The following GPRIN3 variants were observed in gnomAD, a reference collection of about 807,000 sequenced individuals.
GPRIN3 encodes the protein G protein-regulated inducer of neurite outgrowth 3.
A neutral mutation model predicts 13.7 loss-of-function variants in GPRIN3; 12 were observed. The ratio of observed to expected loss-of-function variants is 0.87; its 90% CI spans 0.56 to 1.42. The LOEUF is 1.42. Ranked by LOEUF, GPRIN3 falls within the 40% of genes most tolerant of loss-of-function variation. The pLI, the probability that GPRIN3 is intolerant of heterozygous loss-of-function variation, is 0.00. For missense variants in GPRIN3, 1,009 were observed against 958.7 expected, an observed-to-expected ratio of 1.05 and a Z score of -0.69; for synonymous variants, 377 against 372.7, an observed-to-expected ratio of 1.01 and a Z score of -0.13.
chr4:89,258,588 G>A (rs1218198635), intron 1 of GPRIN3, among the ~76,000 whole-genome samples: 1 of 152,154 alleles, frequency 6.6e-6, no homozygotes, highest in Non-Finnish European at 1.5e-5. Flanking sequence ...CAAATGGGCA[G>A]GAGCTAAGAG....
intron 1 of GPRIN3, among the ~76,000 whole-genome samples, chr4:89,278,952 C>T (rs571893874): frequency 6.6e-6 from 1 of 152,310 alleles, no homozygotes; most frequent in East Asian, 1.9e-4. Flanking sequence ...TCTGATCACC[C>T]TCATCTCCCA....
In GPRIN3 at chr4:89,242,225, A is replaced by C. The variant is rs1722963381; in HGVS notation, c.*5555T>G. ...TACTTGATGAAGAGTTAGCATTTAG[A>C]AGTGCCCATCTGGAGCATCGTTTTC... On this transcript the variant is annotated 3_prime_UTR_variant, in exon 2 of 2. Coordinates refer to ENST00000609438, the MANE Select transcript of GPRIN3 (RefSeq NM_198281.3). The C allele has an allele frequency of 6.6e-6, 1 of 152,224 alleles. No homozygotes were observed. Among genetic ancestry groups the C allele is most frequent in the Non-Finnish European group, 1.5e-5 (1 of 68,042 alleles). The allele number at this position is 152,224 out of a possible 1,614,324, so 9.4% of individuals were successfully genotyped here. A position where few individuals can be genotyped will look rare whatever the true frequency, so the allele number is the denominator to read the frequency against.
intron 1 of GPRIN3, among the ~76,000 whole-genome samples, chr4:89,274,931 A>G (rs1724051234): frequency 6.6e-6 from 1 of 152,184 alleles, no homozygotes; most frequent in Non-Finnish European, 1.5e-5. Context: ...AGGAGTGACG[A>G]CAGGTAGCTG....
chr4:89,301,263 T>TA (rs1724888399), intron 1 of GPRIN3, among the ~76,000 whole-genome samples: 1 of 151,986 alleles, frequency 6.6e-6, no homozygotes, highest in Admixed American at 6.6e-5. Context: ...ACAACAATTT[T>TA]AAAAAAATGT....
At position 89,247,931 on chromosome 4, in the gene GPRIN3, T is replaced by C; in HGVS notation, c.2180A>G (p.Gln727Arg). The change falls in exon 2 of 2, where the codon CAA becomes CGA. Residue 727 changes from glutamine to arginine, a missense_variant. Gln to Arg is a conservative substitution (Grantham distance 43). Coordinates refer to ENST00000609438, the MANE Select transcript of GPRIN3 (RefSeq NM_198281.3). ...IREHEKLIKT[Q>R]NSQTRRSISS... is the part of the protein sequence containing the mutation. ...AATGGATCTCCGGGTCTGGCTATTT[T>C]GAGTTTTGATTAATTTCTCATGTTC... The C allele has an allele frequency of 6.2e-7, 1 of 1,614,178 alleles. No homozygotes were observed.
intron 1 of GPRIN3, among the ~76,000 whole-genome samples, chr4:89,293,515 TCTC>T (rs1724647992): frequency 6.6e-6 from 1 of 152,168 alleles, no homozygotes; most frequent in Non-Finnish European, 1.5e-5. Context: ...TCCCCACAGA[TCTC>T]CTCTTTTGGT....
At position 89,238,968 on chromosome 4, in the gene GPRIN3, T is replaced by C. The variant is rs1360174143; in HGVS notation, c.*8812A>G. 6.6e-6 allele frequency: 1 copy of C among 152,214 alleles called. No homozygotes were observed. Among genetic ancestry groups the C allele is most frequent in the African/African-American group, 2.4e-5 (1 of 41,460 alleles). The allele number at this position is 152,214 out of a possible 1,614,324, so 9.4% of individuals were successfully genotyped here. On this transcript the variant is annotated 3_prime_UTR_variant, in exon 2 of 2. Coordinates refer to ENST00000609438, the MANE Select transcript of GPRIN3 (RefSeq NM_198281.3). ...TGAATATCAGAATTTTAAGCATCCATTCAAAAATCAAATCCAAAATGAAGG... is the reference window on the plus strand; with the variant it reads ...TGAATATCAGAATTTTAAGCATCCACTCAAAAATCAAATCCAAAATGAAGG...
intron 1 of GPRIN3, among the ~76,000 whole-genome samples, chr4:89,256,562 C>T (rs1337797041): frequency 6.6e-6 from 1 of 152,136 alleles, no homozygotes; most frequent in African/African-American, 2.4e-5. Context: ...TGTGGTGGCC[C>T]TGGACCGACA....
chr4:89,261,665 A>G (rs985477762), intron 1 of GPRIN3, among the ~76,000 whole-genome samples: 6 of 152,240 alleles, frequency 3.9e-5, no homozygotes, highest in Non-Finnish European at 8.8e-5. Context: ...AAATGTGCTA[A>G]TTGATATATG....
chr4:89,297,095 T>A (rs958885845), intron 1 of GPRIN3, among the ~76,000 whole-genome samples: 7 of 152,244 alleles, frequency 4.6e-5, no homozygotes, highest in Non-Finnish European at 8.8e-5. Context: ...CATTACCATC[T>A]GTGGGACTTT....
At position 89,241,054 on chromosome 4, in the gene GPRIN3, G is replaced by A. The variant is rs1722933558; in HGVS notation, c.*6726C>T. ...CACACTTAACACGGAGAGGATGTGT[G>A]AGGAATGTAAATTATCCCAGTGGTC... On this transcript the variant is annotated 3_prime_UTR_variant, in exon 2 of 2. Transcript: ENST00000609438. 1 of 152,146 alleles carries A rather than the reference G, an allele frequency of 6.6e-6. No homozygotes were observed. Among genetic ancestry groups the A allele is most frequent in the Non-Finnish European group, 1.5e-5 (1 of 68,012 alleles). 9.4% of individuals were successfully genotyped at this position (152,146 alleles called of 1,614,324 possible). A position where few individuals can be genotyped will look rare whatever the true frequency, so the allele number is the denominator to read the frequency against.
Position 89,237,736 on chromosome 4 carries a change from T to C in GPRIN3, c.*10044A>G, listed in dbSNP as rs536785696. On this transcript the variant is annotated 3_prime_UTR_variant, in exon 2 of 2. Coordinates refer to ENST00000609438, the MANE Select transcript of GPRIN3 (RefSeq NM_198281.3). Reference sequence around the variant, plus strand: ...GGGTGGTTGACCAAAAGTGATCTTATATTGTTTACAAAAGGCAAACCCTTC... The same window carrying C: ...GGGTGGTTGACCAAAAGTGATCTTACATTGTTTACAAAAGGCAAACCCTTC... The C allele has an allele frequency of 4.7e-4, 71 of 152,324 alleles. No individual in the cohort carries two copies. The highest frequency in any genetic ancestry group is 1.6e-3 in the African/African-American group (66 of 41,570). 9.4% of individuals were successfully genotyped at this position (152,324 alleles called of 1,614,324 possible).
intron 1 of GPRIN3, among the ~76,000 whole-genome samples, chr4:89,296,004 T>A (rs1346777734): frequency 2.6e-5 from 4 of 152,194 alleles, no homozygotes; most frequent in Non-Finnish European, 5.9e-5. Context: ...TTGAAATGTG[T>A]TCTGAACATA....
intron 1 of GPRIN3, among the ~76,000 whole-genome samples, chr4:89,279,974 T>G (rs968176286): frequency 6.6e-6 from 1 of 152,214 alleles, no homozygotes; most frequent in African/African-American, 2.4e-5. Flanking sequence ...CCTATTGATA[T>G]CGTAAATTAA....
rs144389771 is a variant in GPRIN3, at chr4:89,255,569, T to C, written c.-123-5336A>G. 6.0e-3 allele frequency among the ~76,000 whole-genome samples: 917 copies of C among 152,112 alleles called. 2 individuals are homozygous for C. Among genetic ancestry groups the C allele is most frequent in the Middle Eastern group, 0.01 (3 of 294 alleles). On this transcript the variant is annotated intron_variant, in intron 1 of 1. Transcript: ENST00000609438. Reference sequence around the variant, plus strand: ...AGAGATATTTAGCCAAGGAGAGGGTTGTGGTGGGGGGCAGGTGTGTCAGTG... The same window carrying C: ...AGAGATATTTAGCCAAGGAGAGGGTCGTGGTGGGGGGCAGGTGTGTCAGTG...
chr4:89,267,301 T>A (rs1279538663), intron 1 of GPRIN3, among the ~76,000 whole-genome samples: 1 of 152,218 alleles, frequency 6.6e-6, no homozygotes, highest in Non-Finnish European at 1.5e-5. Flanking sequence ...CAACTGCACT[T>A]TTGAATCTTG....
rs925867881 is a variant in GPRIN3, at chr4:89,245,998, A to G, written c.*1782T>C. On this transcript the variant is annotated 3_prime_UTR_variant, in exon 2 of 2. Coordinates refer to ENST00000609438, the MANE Select transcript of GPRIN3 (RefSeq NM_198281.3). ...AGGCTCTGAGAATACTGTTCCATAT[A>G]TGCAAGCTTTGTCTACAGTTAAATT... The G allele has an allele frequency of 1.3e-5, 2 of 152,236 alleles. No individual in the cohort carries two copies. Among genetic ancestry groups the G allele is most frequent in the Non-Finnish European group, 2.9e-5 (2 of 68,040 alleles). The allele number at this position is 152,236 out of a possible 1,614,324, so 9.4% of individuals were successfully genotyped here. A position where few individuals can be genotyped will look rare whatever the true frequency, so the allele number is the denominator to read the frequency against.
chr4:89,248,199 C>T lies in GPRIN3; in HGVS notation c.1912G>A (p.Val638Ile), dbSNP rs753028741. Residue 638 changes from valine (V) to isoleucine (I), a missense_variant, in exon 2 of 2, where the codon GTC becomes ATC. By Grantham distance (29) the Val-to-Ile change is conservative. Transcript: ENST00000609438. ...VKASPRRPSRVSEFLKEQKLN... is the reference protein window; with the variant it reads ...VKASPRRPSRISEFLKEQKLN... ...TTTTGCTCCTTGAGGAACTCGCTGA[C>T]GCGGCTGGGCCTGCGTGGGCTGGCT... 33 of 1,614,184 alleles carry T rather than the reference C, an allele frequency of 2.0e-5. No homozygotes were observed. The highest frequency in any genetic ancestry group is 1.8e-4 in the South Asian group (16 of 91,088).
intron 1 of GPRIN3, among the ~76,000 whole-genome samples, chr4:89,287,244 C>T (rs1289364203): frequency 6.6e-6 from 1 of 151,986 alleles, no homozygotes; most frequent in East Asian, 1.9e-4. Context: ...GAGAAAAATG[C>T]CATGAGAGAG....
Sources: gnomAD v4.1 joint callset for allele counts (sites outside exome capture counted in the v4.1 genomes callset) on GRCh38, gnomAD v4.1.1 for gene constraint, MANE v1.5 for transcripts, NCBI Gene and HGNC (gene_info 2026-07-23, HGNC 2026-07-21) for gene names.